The following OR11H6 variants were observed in gnomAD, a reference collection of about 807,000 sequenced individuals.
OR11H6 encodes the protein olfactory receptor family 11 subfamily H member 6.
In OR11H6, 4 loss-of-function variants were observed where a neutral mutation model predicts 9.2. The observed-to-expected ratio is 0.44, with a 90% CI of 0.21 to 1.00. The LOEUF (loss-of-function observed/expected upper bound fraction) is 1.00, where lower values mean the gene tolerates loss of function less well. Among genes scored for constraint, OR11H6 ranks in the 50% least tolerant of loss-of-function variants. The probability of loss-of-function intolerance (pLI) is 0.26; values close to 1 mark genes in which losing one functional copy is unlikely to be tolerated. For synonymous variants in OR11H6, 136 were observed against 148.9 expected (o/e 0.91, Z 0.63); for missense variants, 381 against 390.9 (o/e 0.97, Z 0.21).
chr14:20,224,507 G>T lies in OR11H6; in HGVS notation c.798G>T (p.Val266=), dbSNP rs1178753571. Residue 266 remains valine, a synonymous_variant, in exon 1 of 1, where the codon GTG becomes GTT. Coordinates refer to ENST00000315519, the MANE Select transcript of OR11H6 (RefSeq NM_001004480.1). The part of the protein sequence containing the change: ...FSTCGSHLMV[V]SLFYGTLMVM... ...CATGTGGGTCCCACCTAATGGTGGTGTCTCTATTCTATGGAACCCTTATGG... is the reference window on the plus strand; with the variant it reads ...CATGTGGGTCCCACCTAATGGTGGTTTCTCTATTCTATGGAACCCTTATGG... 6.2e-7 allele frequency: 1 copy of T among 1,613,940 alleles called. No individual in the cohort carries two copies. Among genetic ancestry groups the T allele is most frequent in the East Asian group, 2.2e-5 (1 of 44,884 alleles).
chr14:20,223,743 G>A lies in OR11H6; in HGVS notation c.34G>A (p.Val12Ile). 1.2e-6 allele frequency: 2 copies of A among 1,612,594 alleles called. No homozygotes were observed. Among genetic ancestry groups the A allele is most frequent in the South Asian group, 2.2e-5 (2 of 90,700 alleles). Residue 12 changes from valine (V) to isoleucine (I), a missense_variant, in exon 1 of 1, where the codon GTT becomes ATT. By Grantham distance (29) the Val-to-Ile change is conservative. Coordinates refer to ENST00000315519, the MANE Select transcript of OR11H6 (RefSeq NM_001004480.1). ...TATTATTCATTCTTTGGTTACTTCT[G>A]TTTTTCTAACAGCTTTGGGACCCCA... ...FFIIHSLVTS[V>I]FLTALGPQNR... is the part of the protein sequence containing the mutation.
rs1333682263 is a variant in OR11H6, at chr14:20,224,526, C to G, written c.817C>G (p.Leu273Val). The G allele has an allele frequency of 6.2e-7, 1 of 1,613,944 alleles. No homozygotes were observed. The highest frequency in any genetic ancestry group is 1.1e-5 in the South Asian group (1 of 91,080). Reference protein sequence around the residue: ...LMVVSLFYGTLMVMYVSPTSG... With the variant: ...LMVVSLFYGTVMVMYVSPTSG... ...GGTGGTGTCTCTATTCTATGGAACC[C>G]TTATGGTGATGTATGTGAGCCCAAC... is the stretch of plus-strand genomic sequence containing the variant. Residue 273 changes from leucine (L) to valine (V), a missense_variant, in exon 1 of 1, where the codon CTT (leucine) becomes GTT (valine). Leu to Val is a conservative substitution (Grantham distance 32, BLOSUM62 1). Transcript: ENST00000315519.
chr14:20,224,630 CT>C lies in OR11H6; in HGVS notation c.922del (p.Tyr308IlefsTer8). ...AMTPFLNPLI[Y>X]SLRNKDMKDA... ...TGACTCCATTCTTAAATCCCCTTAT[CT>C]ATAGTCTTCGAAACAAAGACATGAA... is the stretch of plus-strand genomic sequence containing the variant. On this transcript the variant is annotated frameshift_variant, in exon 1 of 1. Coordinates refer to ENST00000315519, the MANE Select transcript of OR11H6 (RefSeq NM_001004480.1). LOFTEE classifies it high-confidence loss of function. 6.2e-7 allele frequency: 1 copy of C among 1,613,762 alleles called. No homozygotes were observed. Among genetic ancestry groups the C allele is most frequent in the Non-Finnish European group, 8.5e-7 (1 of 1,179,678 alleles).
rs769377462 is a variant in OR11H6, at chr14:20,224,079, T to C, written c.370T>C (p.Ser124Pro). The C allele has an allele frequency of 8.1e-6, 13 of 1,613,856 alleles. No homozygotes were observed. Among genetic ancestry groups the C allele is most frequent in the African/African-American group, 5.3e-5 (4 of 74,936 alleles). The stretch of plus-strand genomic sequence containing the variant: ...CTTCCTGCAATTCTATTTCTTTTTT[T>C]CACTGGGTACAACAGAGTGTTTCTT... ...GCFLQFYFFF[S>P]LGTTECFFLS... Residue 124 changes from serine to proline, a missense_variant, in exon 1 of 1, where the codon TCA becomes CCA. Coordinates refer to ENST00000315519, the MANE Select transcript of OR11H6 (RefSeq NM_001004480.1).
At position 20,224,036 on chromosome 14, in the gene OR11H6, C is replaced by T. The variant is rs779217485; in HGVS notation, c.327C>T (p.Thr109=). The part of the protein sequence containing the change: ...MLVNILSEIK[T]ISFSGCFLQF... ...TCAATATCCTCTCTGAGATTAAAAC[C>T]ATCTCCTTCTCTGGTTGCTTCCTGC... The change falls in exon 1 of 1, where the codon ACC becomes ACT. Residue 109 remains threonine, a synonymous_variant. Transcript: ENST00000315519. 2.9e-5 allele frequency: 47 copies of T among 1,613,768 alleles called. No homozygotes were observed. The highest frequency in any genetic ancestry group is 3.9e-5 in the Non-Finnish European group (46 of 1,179,748).
chr14:20,224,035 C>G lies in OR11H6; in HGVS notation c.326C>G (p.Thr109Ser). The G allele has an allele frequency of 6.2e-7, 1 of 1,613,846 alleles. No individual in the cohort carries two copies. Among genetic ancestry groups the G allele is most frequent in the Non-Finnish European group, 8.5e-7 (1 of 1,179,786 alleles). The change falls in exon 1 of 1, where the codon ACC becomes AGC. Residue 109 changes from threonine (T) to serine (S), a missense_variant. Coordinates refer to ENST00000315519, the MANE Select transcript of OR11H6 (RefSeq NM_001004480.1). ...GTCAATATCCTCTCTGAGATTAAAA[C>G]CATCTCCTTCTCTGGTTGCTTCCTG... ...MLVNILSEIKTISFSGCFLQF... is the reference protein window; with the variant it reads ...MLVNILSEIKSISFSGCFLQF...
chr14:20,224,276 C>T lies in OR11H6; in HGVS notation c.567C>T (p.Pro189=). Residue 189 remains proline, a synonymous_variant, in exon 1 of 1, where the codon CCC becomes CCT. Transcript: ENST00000315519. Reference sequence around the variant, plus strand: ...TCTCCCAACTTCCCTTCTGTGGGCCCAACATCATTGACCACTTGGTGTGTG... The same window carrying T: ...TCTCCCAACTTCCCTTCTGTGGGCCTAACATCATTGACCACTTGGTGTGTG... ...VLISQLPFCG[P]NIIDHLVCDP... The T allele has an allele frequency of 2.5e-6, 4 of 1,614,054 alleles. No homozygotes were observed. Among genetic ancestry groups the T allele is most frequent in the Non-Finnish European group, 3.4e-6 (4 of 1,179,952 alleles).
rs776279370 is a variant in OR11H6 at position 20,224,061 on chromosome 14, C to A, written c.352C>A (p.Gln118Lys). 5.6e-6 allele frequency: 9 copies of A among 1,613,568 alleles called. No individual in the cohort carries two copies. Among genetic ancestry groups the A allele is most frequent in the Non-Finnish European group, 7.6e-6 (9 of 1,179,550 alleles). Residue 118 changes from glutamine (Q) to lysine (K), a missense_variant, in exon 1 of 1, where the codon CAA becomes AAA. Transcript: ENST00000315519. ...CATCTCCTTCTCTGGTTGCTTCCTG[C>A]AATTCTATTTCTTTTTTTCACTGGG... is the stretch of plus-strand genomic sequence containing the variant. ...KTISFSGCFLQFYFFFSLGTT... is the reference protein window; with the variant it reads ...KTISFSGCFLKFYFFFSLGTT...
Position 20,224,403 on chromosome 14 carries a change from A to C in OR11H6, c.694A>C (p.Ile232Leu). Reference sequence around the variant, plus strand: ...GATTATCTTTGGGCCCTTCCTCTCCATCTTGGGATCTTACACTCTGGTCAT... The same window carrying C: ...GATTATCTTTGGGCCCTTCCTCTCCCTCTTGGGATCTTACACTCTGGTCAT... ...SMIIFGPFLS[I>L]LGSYTLVIRA... Residue 232 changes from isoleucine (I) to leucine (L), a missense_variant, in exon 1 of 1, where the codon ATC becomes CTC. Coordinates refer to ENST00000315519, the MANE Select transcript of OR11H6 (RefSeq NM_001004480.1). 6.2e-7 allele frequency: 1 copy of C among 1,613,780 alleles called. No individual in the cohort carries two copies. Among genetic ancestry groups the C allele is most frequent in the Non-Finnish European group, 8.5e-7 (1 of 1,179,784 alleles).
Position 20,223,763 on chromosome 14 carries a change from A to G in OR11H6, c.54A>G (p.Gly18=). 2 of 1,613,196 alleles carry G rather than the reference A, an allele frequency of 1.2e-6. No homozygotes were observed. Among genetic ancestry groups the G allele is most frequent in the Non-Finnish European group, 8.5e-7 (1 of 1,179,658 alleles). The change falls in exon 1 of 1, where the codon GGA becomes GGG. Residue 18 remains glycine, a synonymous_variant. Transcript: ENST00000315519. ...CTTCTGTTTTTCTAACAGCTTTGGG[A>G]CCCCAGAACAGAACAATGCATTTTG... is the stretch of plus-strand genomic sequence containing the variant. ...LVTSVFLTAL[G]PQNRTMHFVT... is the part of the protein sequence containing the mutation.
rs751780021 is a variant in OR11H6 at position 20,223,915 on chromosome 14, T to C, written c.206T>C (p.Leu69Ser). 6.8e-6 allele frequency: 11 copies of C among 1,614,156 alleles called. No individual in the cohort carries two copies. The highest frequency in any genetic ancestry group is 7.6e-6 in the Non-Finnish European group (9 of 1,180,018). Reference protein sequence around the residue: ...GNGAIVCAVKLDRRLHTPMYI... With the variant: ...GNGAIVCAVKSDRRLHTPMYI... ...GGAGCTATTGTCTGTGCAGTGAAAT[T>C]GGACAGGCGGCTCCACACACCCATG... The change falls in exon 1 of 1, where the codon TTG becomes TCG. Residue 69 changes from leucine to serine, a missense_variant. Leu to Ser is a moderately radical substitution (Grantham distance 145, BLOSUM62 -2). Transcript: ENST00000315519.
chr14:20,223,762 G>T lies in OR11H6; in HGVS notation c.53G>T (p.Gly18Val). Reference sequence around the variant, plus strand: ...ACTTCTGTTTTTCTAACAGCTTTGGGACCCCAGAACAGAACAATGCATTTT... The same window carrying T: ...ACTTCTGTTTTTCTAACAGCTTTGGTACCCCAGAACAGAACAATGCATTTT... ...LVTSVFLTAL[G>V]PQNRTMHFVT... The change falls in exon 1 of 1, where the codon GGA becomes GTA. Residue 18 changes from glycine to valine, a missense_variant. By Grantham distance (109) the Gly-to-Val change is moderately radical (BLOSUM62 -3). Coordinates refer to ENST00000315519, the MANE Select transcript of OR11H6 (RefSeq NM_001004480.1). 1 of 1,613,126 alleles carries T rather than the reference G, an allele frequency of 6.2e-7. No individual in the cohort carries two copies. The highest frequency in any genetic ancestry group is 8.5e-7 in the Non-Finnish European group (1 of 1,179,666).
Position 20,224,156 on chromosome 14 carries a change from C to T in OR11H6, c.447C>T (p.His149=). Residue 149 remains histidine (H), a synonymous_variant, in exon 1 of 1, where the codon CAC becomes CAT. Coordinates refer to ENST00000315519, the MANE Select transcript of OR11H6 (RefSeq NM_001004480.1). ...ACCTGGCCATCTGTCGTCCATTACA[C>T]TACCCCTCCATCATGACTGGGAAGT... is the stretch of plus-strand genomic sequence containing the variant. ...DRYLAICRPL[H]YPSIMTGKFC... 6.2e-7 allele frequency: 1 copy of T among 1,613,728 alleles called. No homozygotes were observed. Among genetic ancestry groups the T allele is most frequent in the Non-Finnish European group, 8.5e-7 (1 of 1,179,698 alleles).
Position 20,224,678 on chromosome 14 carries a change from G to T in OR11H6, c.969G>T (p.Leu323=). The change falls in exon 1 of 1, where the codon CTG becomes CTT. Residue 323 remains leucine (L), a synonymous_variant. Transcript: ENST00000315519. ...KDMKDALKRV[L]GLTVSQN ...TGAAAGATGCTCTAAAGAGAGTCCT[G>T]GGGTTAACAGTTAGCCAAAACTGAG... The T allele has an allele frequency of 6.2e-7, 1 of 1,601,592 alleles. No homozygotes were observed. The highest frequency in any genetic ancestry group is 8.5e-7 in the Non-Finnish European group (1 of 1,175,156).
In OR11H6 at chr14:20,224,072, CT is replaced by C. The variant is rs762454146; in HGVS notation, c.370del (p.Ser124HisfsTer31). ...CTGGTTGCTTCCTGCAATTCTATTT[CT>C]TTTTTTCACTGGGTACAACAGAGTG... ...FSGCFLQFYF[F>X]FSLGTTECFF... is the part of the protein sequence containing the mutation. On this transcript the variant is annotated frameshift_variant, in exon 1 of 1. Coordinates refer to ENST00000315519, the MANE Select transcript of OR11H6 (RefSeq NM_001004480.1). LOFTEE classifies it high-confidence loss of function. The C allele has an allele frequency of 1.2e-5, 19 of 1,613,738 alleles. No homozygotes were observed. The highest frequency in any genetic ancestry group is 1.6e-5 in the Non-Finnish European group (19 of 1,179,658).
Position 20,224,488 on chromosome 14 carries a change from G to A in OR11H6, c.779G>A (p.Gly260Glu). Reference protein sequence around the residue: ...AGRTKAFSTCGSHLMVVSLFY... With the variant: ...AGRTKAFSTCESHLMVVSLFY... ...CGAACTAAAGCTTTCTCCACATGTG[G>A]GTCCCACCTAATGGTGGTGTCTCTA... The change falls in exon 1 of 1, where the codon GGG becomes GAG. Residue 260 changes from glycine (G) to glutamate (E), a missense_variant. Physicochemically the swap from Gly to Glu is moderately conservative, Grantham distance 98. Transcript: ENST00000315519. 6.2e-7 allele frequency: 1 copy of A among 1,613,972 alleles called. No individual in the cohort carries two copies. Among genetic ancestry groups the A allele is most frequent in the Non-Finnish European group, 8.5e-7 (1 of 1,179,942 alleles).
At position 20,223,949 on chromosome 14, in the gene OR11H6, T is replaced by A. The variant is rs1331980180; in HGVS notation, c.240T>A (p.Leu80=). 2 of 1,614,166 alleles carry A rather than the reference T, an allele frequency of 1.2e-6. No homozygotes were observed. Among genetic ancestry groups the A allele is most frequent in the East Asian group, 2.2e-5 (1 of 44,884 alleles). Residue 80 remains leucine, a synonymous_variant, in exon 1 of 1, where the codon CTT becomes CTA. Transcript: ENST00000315519. ...DRRLHTPMYI[L]LGNFAFLEIW... ...GGCTCCACACACCCATGTACATCCTTCTGGGAAACTTTGCCTTTCTAGAGA... is the reference window on the plus strand; with the variant it reads ...GGCTCCACACACCCATGTACATCCTACTGGGAAACTTTGCCTTTCTAGAGA...
At position 20,223,993 on chromosome 14, in the gene OR11H6, CTG is replaced by C. The variant is rs1224419603; in HGVS notation, c.286_287del (p.Val96ProfsTer10). 8.1e-6 allele frequency: 13 copies of C among 1,614,140 alleles called. No individual in the cohort carries two copies. The South Asian group carries it at 1.3e-4, about 16-fold the overall frequency. On this transcript the variant is annotated frameshift_variant, in exon 1 of 1. Transcript: ENST00000315519. LOFTEE classifies it high-confidence loss of function. ...CTAGAGATCTGGTACATTTCCTCCA[CTG>C]TCCCAAACATGCTAGTCAATATCCT... is the stretch of plus-strand genomic sequence containing the variant.
Position 20,224,339 on chromosome 14 carries a change from T to A in OR11H6, c.630T>A (p.Ala210=). 6.2e-7 allele frequency: 1 copy of A among 1,614,168 alleles called. No homozygotes were observed. The highest frequency in any genetic ancestry group is 1.1e-5 in the South Asian group (1 of 91,080). ...GPLFALACIS[A]PSTELICYTF... Reference sequence around the variant, plus strand: ...TGTTTGCACTGGCCTGCATCTCTGCTCCTTCCACTGAGCTTATCTGTTACA... The same window carrying A: ...TGTTTGCACTGGCCTGCATCTCTGCACCTTCCACTGAGCTTATCTGTTACA... The change falls in exon 1 of 1, where the codon GCT becomes GCA. Residue 210 remains alanine (A), a synonymous_variant. Transcript: ENST00000315519.
Sources: allele counts gnomAD v4.1 joint callset, GRCh38; gene constraint gnomAD v4.1.1; transcripts MANE v1.5; gene names NCBI Gene and HGNC (gene_info 2026-07-23, HGNC 2026-07-21).